ZNF91: variants seen among roughly 807,000 people sequenced by gnomAD.
ZNF91 encodes the protein zinc finger protein 91 (HPF7, HTF10).
ZNF91 carries 7 observed loss-of-function variants against 12.6 expected under a neutral mutation model. The observed-to-expected ratio is 0.55, with a 90% CI of 0.31 to 1.04. The LOEUF (loss-of-function observed/expected upper bound fraction) is 1.04, where lower values mean the gene tolerates loss of function less well. ZNF91 is among the 50% of genes least tolerant of loss of function. ZNF91 has a pLI of 0.05. For missense variants in ZNF91, 1,217 were observed against 1,385.4 expected (o/e 0.88, Z 1.93); for synonymous variants, 453 against 462.6 (o/e 0.98, Z 0.27).
At chr19:23,365,404 C>G (rs1273127480) in intron 3 of ZNF91, among the ~76,000 whole-genome samples, 1 of 151,604 alleles carries the variant, frequency 6.6e-6, no homozygotes, top group African/African-American at 2.4e-5. Context: ...CCAGGAGTTT[C>G]AGATCAGCCT....
intron 1 of ZNF91, among the ~76,000 whole-genome samples, chr19:23,331,090 G>A (rs1156308664): frequency 6.6e-6 from 1 of 152,156 alleles, no homozygotes; most frequent in Non-Finnish European, 1.5e-5. Flanking sequence ...GGTGATGTAA[G>A]TTTTCCTAAA....
intron 3 of ZNF91, among the ~76,000 whole-genome samples, chr19:23,340,478 G>A (rs1360455529): frequency 3.3e-5 from 5 of 151,912 alleles, no homozygotes; most frequent in East Asian, 1.9e-4. Flanking sequence ...AGATAGAGTC[G>A]GGAAGAAATA....
In ZNF91 at chr19:23,359,841, T is replaced by C; in HGVS notation, c.3138A>G (p.Gly1046=). ...KLTTHKIIHT[G]EKPYKCEECG... ...ATTCTTCACACTTGTAAGGTTTCTC[T>C]CCAGTATGAATTATCTTATGTGTAG... Residue 1046 remains glycine, a synonymous_variant, in exon 4 of 4, where the codon GGA becomes GGG. Coordinates refer to ENST00000300619, the MANE Select transcript of ZNF91 (RefSeq NM_003430.4). 6.2e-7 allele frequency: 1 copy of C among 1,614,050 alleles called. No homozygotes were observed. The highest frequency in any genetic ancestry group is 8.5e-7 in the Non-Finnish European group (1 of 1,179,990).
chr19:23,392,096 C>T (rs1015585860), intron 1 of ZNF91, among the ~76,000 whole-genome samples: 7 of 152,076 alleles, frequency 4.6e-5, no homozygotes, highest in African/African-American at 7.2e-5. Context: ...TCAAAAATCA[C>T]GTAGCAAACA....
intron 3 of ZNF91, among the ~76,000 whole-genome samples, chr19:23,341,055 A>ATTTT (rs199646954): frequency 7.2e-6 from 1 of 138,614 alleles, no homozygotes; most frequent in Non-Finnish European, 1.6e-5. Context: ...TAAAACTGCC[A>ATTTT]TTTTTTTTTT....
At position 23,369,875 on chromosome 19, in the gene ZNF91, C is replaced by A. The variant is rs1420666325; in HGVS notation, c.253+3867G>T. Among the ~76,000 whole-genome samples the A allele has an allele frequency of 2.7e-5, 4 of 150,606 alleles. No individual in the cohort carries two copies. In the South Asian group the frequency reaches 6.4e-4, roughly 24 times the overall value. On this transcript the variant is annotated intron_variant, in intron 3 of 3. Transcript: ENST00000300619. ...CAGGGACACAAACACTGCGGAAGGC[C>A]GCAGGGTCCTCTGCCTAGGAAAACC...
chr19:23,364,138 G>C (rs1036040415), intron 3 of ZNF91, among the ~76,000 whole-genome samples: 1 of 152,212 alleles, frequency 6.6e-6, no homozygotes. Context: ...GGCCAACATG[G>C]TGAAACCCCG....
intron 1 of ZNF91, among the ~76,000 whole-genome samples, chr19:23,333,446 G>A (rs999721565): frequency 6.6e-6 from 1 of 152,206 alleles, no homozygotes; most frequent in Non-Finnish European, 1.5e-5. Flanking sequence ...AACTGTGATA[G>A]CCTCTGGGAG....
At chr19:23,392,021 C>T (rs1200399838) in intron 1 of ZNF91, among the ~76,000 whole-genome samples, 2 of 152,054 alleles carry the variant, frequency 1.3e-5, no homozygotes, top group East Asian at 1.9e-4. Context: ...CATCTTATAC[C>T]TCAGTAAGAA....
intron 2 of ZNF91, among the ~76,000 whole-genome samples, chr19:23,374,434 C>A (rs529958697): frequency 6.7e-5 from 10 of 149,380 alleles, no homozygotes; most frequent in Admixed American, 5.3e-4. Flanking sequence ...GTGGTGGGCG[C>A]CTGTAGTCCC....
At chr19:23,389,085 A>T (rs1028624919) in intron 1 of ZNF91, among the ~76,000 whole-genome samples, 1 of 152,082 alleles carries the variant, frequency 6.6e-6, no homozygotes, top group African/African-American at 2.4e-5. Context: ...TAATCTATAC[A>T]CAAAACCACC....
At position 23,317,069 on chromosome 19, in the gene ZNF91, G is replaced by A. The variant is rs1426395192; in HGVS notation, n.117-7972C>T. On this transcript the variant is annotated intron_variant and non_coding_transcript_variant, in intron 1 of 1. Coordinates refer to the ZNF91 transcript ENST00000596528. ...TTCTTTTCTTTTTTTTTTTTGAGGC[G>A]GAGTCTCGCTCTGTCGCCCAGGCTG... 4.0e-5 allele frequency among the ~76,000 whole-genome samples: 6 copies of A among 150,616 alleles called. No individual in the cohort carries two copies. The East Asian group carries it at 5.9e-4, about 15-fold the overall frequency.
In ZNF91 at chr19:23,368,510, A is replaced by ATCTC. The variant is rs573590418; in HGVS notation, c.253+5228_253+5231dup. Among the ~76,000 whole-genome samples the ATCTC allele has an allele frequency of 1.9e-3, 180 of 94,310 alleles. 1 individual carries two copies. The highest frequency in any genetic ancestry group is 2.9e-3 in the Non-Finnish European group (145 of 49,938). The allele number at this position is 94,310 out of a possible 152,430, so 61.9% of individuals were successfully genotyped here. On this transcript the variant is annotated intron_variant, in intron 3 of 3. Transcript: ENST00000300619. ...AGCCTGGGTGACAGAGCGAAACTCC[A>ATCTC]TCTCTCTCTCTCTCTCTCTCTCTCT... is the stretch of plus-strand genomic sequence containing the variant.
At chr19:23,389,760 G>A (rs1213625430) in intron 1 of ZNF91, among the ~76,000 whole-genome samples, 16 of 152,128 alleles carry the variant, frequency 1.1e-4, no homozygotes, top group Admixed American at 1.0e-3. Context: ...TAAACACCAA[G>A]CAATTCTCCA....
At chr19:23,323,643 TTCTCC>T (rs199957167) in intron 1 of ZNF91, among the ~76,000 whole-genome samples, 2,158 of 138,808 alleles carry the variant, frequency 0.016, 59 homozygotes, top group African/African-American at 0.059. Context: ...CCTCCTTCTC[TTCTCC>T]TCTCCTCCTC....
downstream of ZNF91, among the ~76,000 whole-genome samples, chr19:23,334,625 G>GT (rs1376723420): frequency 1.3e-5 from 2 of 152,102 alleles, no homozygotes; most frequent in African/African-American, 4.8e-5. Flanking sequence ...TTCCCTAATT[G>GT]TATTTACTAA....
At chr19:23,389,846 T>C (rs6511434) in intron 1 of ZNF91, among the ~76,000 whole-genome samples, 78,447 of 151,948 alleles carry the variant, frequency 0.52, 21,758 homozygotes, top group East Asian at 0.84. Context: ...GGGCTCAGTC[T>C]CACAACATTG....
At chr19:23,340,087 A>G (rs1165249881) in intron 3 of ZNF91, 1 of 152,118 alleles carries the variant, frequency 6.6e-6, no homozygotes, top group Admixed American at 6.5e-5. Context: ...TGCATCAAAA[A>G]AATAGAAAGC....
At chr19:23,350,245 T>C (rs1303386455) in intron 3 of ZNF91, among the ~76,000 whole-genome samples, 3 of 152,168 alleles carry the variant, frequency 2.0e-5, no homozygotes, top group African/African-American at 7.2e-5. Context: ...GAGAAGCCCA[T>C]GTGCCAGTCC....
Sources: allele counts gnomAD v4.1 joint callset (sites outside exome capture counted in the v4.1 genomes callset), GRCh38; gene constraint gnomAD v4.1.1; transcripts MANE v1.5; gene names NCBI Gene and HGNC (gene_info 2026-07-23, HGNC 2026-07-21).